Variants in DOK5 observed in about 807,000 individuals in gnomAD.
DOK5 encodes the protein downstream of tyrosine kinase 5.
DOK5 carries 27 observed loss-of-function variants against 43.3 expected under a neutral mutation model. The observed-to-expected ratio is 0.62, with a 90% CI of 0.46 to 0.86. The LOEUF (loss-of-function observed/expected upper bound fraction) is 0.86, where lower values mean the gene tolerates loss of function less well. Ranked by LOEUF, DOK5 falls within the 40% of genes least tolerant of loss-of-function variation. The pLI is 0.00. For missense variants in DOK5, 373 were observed against 392.9 expected (o/e 0.95, Z 0.43); for synonymous variants, 146 against 140.1 (o/e 1.04, Z -0.30).
intron 1 of DOK5, among the ~76,000 whole-genome samples, chr20:54,482,153 A>G (rs1981746006): frequency 6.6e-6 from 1 of 152,224 alleles, no homozygotes; most frequent in Non-Finnish European, 1.5e-5. Flanking sequence ...ATGATTCTAC[A>G]CAAATGGTAG....
chr20:54,640,442 G>A (rs974286748), intron 6 of DOK5, among the ~76,000 whole-genome samples: 74 of 152,196 alleles, frequency 4.9e-4, no homozygotes, highest in African/African-American at 1.8e-3. Context: ...CTGCCTACTG[G>A]ATTCTCACCA....
chr20:54,632,551 G>C lies in DOK5; in HGVS notation c.736-10907G>C, dbSNP rs556751932. Among the ~76,000 whole-genome samples the C allele has an allele frequency of 4.6e-5, 7 of 152,264 alleles. No individual in the cohort carries two copies. The South Asian group carries it at 1.5e-3, about 32-fold the overall frequency. ...AGAACTATTTTCTCTCTTTTTTACT[G>C]ACCAGATATTGAGGACTAAGGGAGA... On this transcript the variant is annotated intron_variant, in intron 6 of 7. Coordinates refer to ENST00000262593, the MANE Select transcript of DOK5 (RefSeq NM_018431.5).
intron 5 of DOK5, among the ~76,000 whole-genome samples, chr20:54,600,891 T>C (rs1267975067): frequency 4.6e-5 from 7 of 152,206 alleles, no homozygotes; most frequent in African/African-American, 1.4e-4. Context: ...CTGGAGGTGT[T>C]AGGCAAAGAA....
intron 6 of DOK5, among the ~76,000 whole-genome samples, chr20:54,621,154 T>C (rs2146805507): frequency 6.6e-6 from 1 of 152,330 alleles, no homozygotes; most frequent in East Asian, 1.9e-4. Context: ...AATTAACTTA[T>C]GGCAGGGTAC....
At chr20:54,595,845 T>C (rs1319098762) in intron 5 of DOK5, among the ~76,000 whole-genome samples, 3 of 152,208 alleles carry the variant, frequency 2.0e-5, no homozygotes, top group Non-Finnish European at 4.4e-5. Flanking sequence ...AGAGAGACCC[T>C]GAGTAATCTC....
chr20:54,629,424 A>C (rs911217999), intron 6 of DOK5, among the ~76,000 whole-genome samples: 2 of 152,368 alleles, frequency 1.3e-5, no homozygotes, highest in East Asian at 1.9e-4. Context: ...GCAAAAGAAC[A>C]TACTCTATAA....
At chr20:54,616,400 C>T (rs533242509) in intron 6 of DOK5, among the ~76,000 whole-genome samples, 1 of 152,268 alleles carries the variant, frequency 6.6e-6, no homozygotes, top group Admixed American at 6.5e-5. Context: ...ACATAAATCT[C>T]AGATTTTTAT....
intron 1 of DOK5, among the ~76,000 whole-genome samples, chr20:54,538,796 G>A (rs904300230): frequency 2.6e-5 from 4 of 152,206 alleles, no homozygotes; most frequent in African/African-American, 9.6e-5. Flanking sequence ...ATTCATAACA[G>A]TCAGAAGCTG....
rs751121183 is a variant in DOK5 at position 54,475,932 on chromosome 20, C to T, written c.-15C>T. 6.2e-7 allele frequency: 1 copy of T among 1,612,480 alleles called. No individual in the cohort carries two copies. The highest frequency in any genetic ancestry group is 8.5e-7 in the Non-Finnish European group (1 of 1,179,732). ...GCGCGCTCTTGGGTAAAGGGGGGGT[C>T]ACCGGCTGTCTGGGATGGCTTCCAA... On this transcript the variant is annotated 5_prime_UTR_variant, in exon 1 of 8. Transcript: ENST00000262593. This position sits in a 1 kb window ranked among gnomAD's most constrained non-coding sequence, Gnocchi z 4.2.
chr20:54,574,617 G>A (rs762377141), intron 2 of DOK5, among the ~76,000 whole-genome samples: 16 of 152,268 alleles, frequency 1.1e-4, no homozygotes, highest in African/African-American at 1.7e-4. Context: ...AATAGCAATA[G>A]TGACTCTAGT....
At chr20:54,567,542 A>G (rs190752631) in intron 2 of DOK5, among the ~76,000 whole-genome samples, 20 of 152,194 alleles carry the variant, frequency 1.3e-4, no homozygotes, top group South Asian at 1.2e-3. Flanking sequence ...ATTGATCTGT[A>G]TATCTGTTTC....
intron 1 of DOK5, among the ~76,000 whole-genome samples, chr20:54,476,614 G>A (rs764878208): frequency 2.0e-5 from 3 of 152,134 alleles, no homozygotes; most frequent in African/African-American, 7.2e-5. Flanking sequence ...GTTCGAAGCC[G>A]GGGTGGTGGA....
At chr20:54,508,210 A>G (rs1982884641) in intron 1 of DOK5, among the ~76,000 whole-genome samples, 1 of 152,134 alleles carries the variant, frequency 6.6e-6, no homozygotes, top group Non-Finnish European at 1.5e-5. Context: ...AACTCCCAGT[A>G]TTTGTATAGG....
At position 54,650,654 on chromosome 20, in the gene DOK5, T is replaced by TC; in HGVS notation, c.*176dup. The TC allele has an allele frequency of 1.8e-6, 1 of 563,898 alleles. No homozygotes were observed. 34.9% of individuals were successfully genotyped at this position (563,898 alleles called of 1,614,324 possible). ...ACAATAATTTTCTTTATTTTCTTTT[T>TC]CTTTTTTAAATTCTTAGTGTAATTG... On this transcript the variant is annotated 3_prime_UTR_variant, in exon 8 of 8. Transcript: ENST00000262593.
At chr20:54,609,866 T>C (rs958584184) in intron 5 of DOK5, among the ~76,000 whole-genome samples, 6 of 152,320 alleles carry the variant, frequency 3.9e-5, no homozygotes, top group South Asian at 2.1e-4. Flanking sequence ...ATCCATCACA[T>C]TGAATGAAAG....
intron 1 of DOK5, among the ~76,000 whole-genome samples, chr20:54,550,678 A>G (rs187577917): frequency 1.3e-5 from 2 of 152,322 alleles, no homozygotes; most frequent in East Asian, 1.9e-4. Flanking sequence ...TTCACTCAGT[A>G]TAATTCTTAC....
intron 1 of DOK5, among the ~76,000 whole-genome samples, chr20:54,550,548 A>ACCACATT (rs1283203147): frequency 6.6e-6 from 1 of 152,144 alleles, no homozygotes; most frequent in African/African-American, 2.4e-5. Context: ...CTCCTCCACC[A>ACCACATT]CCACATTCCT....
rs1016995707 is a variant in DOK5 at position 54,499,750 on chromosome 20, G to A, written c.66+23738G>A. 3.3e-5 allele frequency among the ~76,000 whole-genome samples: 5 copies of A among 152,186 alleles called. No homozygotes were observed. In the East Asian group the frequency reaches 9.6e-4, roughly 29 times the overall value. The stretch of plus-strand genomic sequence containing the variant: ...GTTAATCACATTACTTGACCAAGTA[G>A]CAATACAGCATAATGGTTAAATCTG... On this transcript the variant is annotated intron_variant, in intron 1 of 7. Transcript: ENST00000262593.
At chr20:54,643,333 A>G (rs571027132) in intron 6 of DOK5, 125 bp from the exon 7 acceptor site, 1 of 1,302,964 alleles carries the variant, frequency 7.7e-7, no homozygotes, top group African/African-American at 1.5e-5. Context: ...CCTTCAATCG[A>G]TGTTCATTGA....
Sources: allele counts gnomAD v4.1 joint callset (sites outside exome capture counted in the v4.1 genomes callset), GRCh38; gene constraint gnomAD v4.1.1; non-coding constraint Gnocchi (gnomAD v3.1); transcripts MANE v1.5; gene names NCBI Gene and HGNC (gene_info 2026-07-23, HGNC 2026-07-21).